COL5A2: variants seen among roughly 807,000 people sequenced by gnomAD.
COL5A2 encodes the protein collagen alpha-2(V) chain.
Under a neutral mutation model 208.2 loss-of-function variants are expected in COL5A2, and 23 were observed. That is an observed-to-expected ratio of 0.11 (90% CI 0.08 to 0.16). COL5A2 has a LOEUF of 0.16. COL5A2 is among the 10% of genes least tolerant of loss of function. The probability of loss-of-function intolerance (pLI) is 1.00; values close to 1 mark genes in which losing one functional copy is unlikely to be tolerated. For synonymous variants in COL5A2, 625 were observed against 628.5 expected, an observed-to-expected ratio of 0.99 and a Z score of 0.08; for missense variants, 1,590 against 1,956.4, an observed-to-expected ratio of 0.81 and a Z score of 3.53.
chr2:189,436,330 C>A, the COL5A2 span, among the ~76,000 whole-genome samples: 2 of 152,034 alleles, frequency 1.3e-5, no homozygotes, highest in Admixed American at 1.3e-4. Context: ...AAAGAAACTA[C>A]CATCAGAGTG....
the COL5A2 span, among the ~76,000 whole-genome samples, chr2:189,440,636 G>A: frequency 2.0e-5 from 3 of 152,134 alleles, no homozygotes; most frequent in Non-Finnish European, 4.4e-5. Context: ...ATCAAAATAG[G>A]CAACATAATA....
chr2:189,419,248 A>G, the COL5A2 span, among the ~76,000 whole-genome samples: 1 of 152,114 alleles, frequency 6.6e-6, no homozygotes, highest in Non-Finnish European at 1.5e-5. Context: ...CTCCTAGTCT[A>G]CCAATGTACA....
intron 5 of COL5A2, among the ~76,000 whole-genome samples, chr2:189,098,064 G>T (rs1052643925): frequency 1.3e-5 from 2 of 151,582 alleles, no homozygotes; most frequent in African/African-American, 4.9e-5. Context: ...TGTTGCCAGG[G>T]GGACTTTGTT....
At chr2:189,273,861 G>T in the COL5A2 span, among the ~76,000 whole-genome samples, 1 of 152,060 alleles carries the variant, frequency 6.6e-6, no homozygotes, top group South Asian at 2.1e-4. Flanking sequence ...CAGGGGAATT[G>T]GGAAGATGTT....
Position 189,179,614 on chromosome 2 carries a change from T to C in COL5A2, c.-10A>G. On this transcript the variant is annotated 5_prime_UTR_variant, in exon 1 of 54. Transcript: ENST00000374866. ...CCCAGTTTGCCATCATGTCTAAATA[T>C]TAGACATGTGGGTTCTCCTGAGAGT... is the stretch of plus-strand genomic sequence containing the variant. 6.3e-7 allele frequency: 1 copy of C among 1,597,990 alleles called. No individual in the cohort carries two copies. Among genetic ancestry groups the C allele is most frequent in the African/African-American group, 1.3e-5 (1 of 74,820 alleles).
chr2:189,172,733 A>G lies in COL5A2; in HGVS notation c.97+6775T>C, dbSNP rs77235579. The stretch of plus-strand genomic sequence containing the variant: ...TACGTTGCAAGTAGTGTTTCCACCA[A>G]TAATATAGTTTGCTGTCATCTTAAA... On this transcript the variant is annotated intron_variant, in intron 1 of 53. Transcript: ENST00000374866. Among the ~76,000 whole-genome samples, 297 of 152,266 alleles carry G rather than the reference A, an allele frequency of 2.0e-3. 4 individuals are homozygous for G. The East Asian group carries it at 0.031, about 16-fold the overall frequency.
intron 31 of COL5A2, among the ~76,000 whole-genome samples, chr2:189,059,953 C>G (rs150251692): frequency 2.0e-5 from 3 of 151,982 alleles, no homozygotes; most frequent in Non-Finnish European, 4.4e-5. Context: ...TTAAAGCCCT[C>G]CATAATCAGG....
At chr2:189,168,685 A>C (rs1238133370) in intron 1 of COL5A2, among the ~76,000 whole-genome samples, 1 of 152,202 alleles carries the variant, frequency 6.6e-6, no homozygotes, top group Non-Finnish European at 1.5e-5. Flanking sequence ...TGTATTTGCT[A>C]TGGGAACCAT....
intron 1 of COL5A2, among the ~76,000 whole-genome samples, chr2:189,124,238 C>T (rs1285134191): frequency 1.3e-5 from 2 of 152,158 alleles, no homozygotes; most frequent in Non-Finnish European, 2.9e-5. Flanking sequence ...GAGGAAATTT[C>T]ATTTCCTGGT....
the COL5A2 span, among the ~76,000 whole-genome samples, chr2:189,271,809 A>G: frequency 2.6e-5 from 4 of 152,234 alleles, no homozygotes; most frequent in African/African-American, 9.6e-5. Flanking sequence ...AAACAAATTT[A>G]CAAGAAAAAA....
At chr2:189,357,957 G>A in the COL5A2 span, among the ~76,000 whole-genome samples, 1 of 152,022 alleles carries the variant, frequency 6.6e-6, no homozygotes, top group East Asian at 1.9e-4. Context: ...GCCCCTCACG[G>A]CTTCCCTTGG....
intron 2 of COL5A2, among the ~76,000 whole-genome samples, chr2:189,108,598 G>T (rs1687197101): frequency 6.6e-6 from 1 of 151,304 alleles, no homozygotes. Flanking sequence ...AACTCTTTTA[G>T]GTCAATTTTT....
intron 1 of COL5A2, among the ~76,000 whole-genome samples, chr2:189,142,270 G>GT (rs1355982693): frequency 1.3e-5 from 2 of 151,740 alleles, no homozygotes; most frequent in Non-Finnish European, 2.9e-5. Flanking sequence ...GAAAATCCTT[G>GT]TTTTTTTATT....
the COL5A2 span, among the ~76,000 whole-genome samples, chr2:189,370,340 T>C: frequency 2.0e-5 from 3 of 152,220 alleles, no homozygotes; most frequent in African/African-American, 7.2e-5. Context: ...ATCTATTTCA[T>C]AGAGTCATTA....
chr2:189,038,443 TG>T (rs1477543493), intron 51 of COL5A2, among the ~76,000 whole-genome samples: 2 of 152,198 alleles, frequency 1.3e-5, no homozygotes, highest in African/African-American at 4.8e-5. Flanking sequence ...GATGGGCATC[TG>T]GGTCAATTTC....
At chr2:189,229,602 A>T (rs1216023370), upstream of COL5A2, among the ~76,000 whole-genome samples, 1 of 151,782 alleles carries the variant, frequency 6.6e-6, no homozygotes, top group African/African-American at 2.4e-5. Flanking sequence ...AAACAATAAA[A>T]TCCTTAGGAA....
At chr2:189,236,758 T>C in the COL5A2 span, among the ~76,000 whole-genome samples, 3 of 151,920 alleles carry the variant, frequency 2.0e-5, no homozygotes, top group Admixed American at 2.0e-4. Context: ...GTATTATGGA[T>C]ATGTAAGACC....
chr2:189,344,350 C>T, the COL5A2 span, among the ~76,000 whole-genome samples: 42 of 152,134 alleles, frequency 2.8e-4, no homozygotes, highest in African/African-American at 1.0e-3. Context: ...AACAGCATCA[C>T]AGAAGAACCT....
rs892717256 is a variant in COL5A2, at chr2:189,052,607, T to C, written c.2715+142A>G. On this transcript the variant is annotated intron_variant, in intron 40 of 53. Transcript: ENST00000374866. Reference sequence around the variant, plus strand: ...AACCCAAATCTCCATCTGAGTTAAGTGCCCTTTGCACTATAGTACAGTTGA... The same window carrying C: ...AACCCAAATCTCCATCTGAGTTAAGCGCCCTTTGCACTATAGTACAGTTGA... 4.6e-6 allele frequency: 4 copies of C among 863,690 alleles called. No homozygotes were observed. The African/African-American group carries it at 5.0e-5, about 11-fold the overall frequency. 53.5% of individuals were successfully genotyped at this position (863,690 alleles called of 1,614,324 possible). A position where few individuals can be genotyped will look rare whatever the true frequency, so the allele number is the denominator to read the frequency against.
Sources: allele counts gnomAD v4.1 joint callset (sites outside exome capture counted in the v4.1 genomes callset), GRCh38; gene constraint gnomAD v4.1.1; transcripts MANE v1.5; gene names NCBI Gene and HGNC (gene_info 2026-07-23, HGNC 2026-07-21).